Variants in IL37 observed in about 807,000 individuals in gnomAD.
IL37 encodes the protein interleukin 37.
Under a neutral mutation model 15.4 loss-of-function variants are expected in IL37, and 15 were observed. The ratio of observed to expected loss-of-function variants is 0.98; its 90% confidence interval spans 0.65 to 1.50. IL37 has a LOEUF of 1.50. Among genes scored for constraint, IL37 ranks in the 40% most tolerant of loss-of-function variants. The pLI is 0.00. For synonymous variants in IL37, 98 were observed against 97.4 expected, an observed-to-expected ratio of 1.01 and a Z score of -0.03; for missense variants, 269 against 261.7, an observed-to-expected ratio of 1.03 and a Z score of -0.19.
chr2:112,918,313 G>GTC (rs113652399), intron 5 of IL37, among the ~76,000 whole-genome samples: 101,435 of 148,158 alleles, frequency 0.68, 35,536 homozygotes, highest in Middle Eastern at 0.87. Context: ...TGACTCTTAC[G>GTC]TCTCTCTCTC....
chr2:112,915,167 G>A, intron 3 of IL37: 2 of 1,608,216 alleles, frequency 1.2e-6, no homozygotes, highest in Non-Finnish European at 8.5e-7. Flanking sequence ...TAGTGAACTA[G>A]TCTGCATGTG....
chr2:112,913,909 G>A (rs994486245), intron 3 of IL37, 55 bp downstream of exon 3: 2 of 1,406,464 alleles, frequency 1.4e-6, no homozygotes, highest in Non-Finnish European at 2.0e-6. Context: ...GTGGGGATGG[G>A]GGATGGAGCC....
Position 112,917,770 on chromosome 2 carries a change from A to T in IL37, c.401A>T (p.Gln134Leu). 1 of 1,614,176 alleles carries T rather than the reference A, an allele frequency of 6.2e-7. No homozygotes were observed. The highest frequency in any genetic ancestry group is 8.5e-7 in the Non-Finnish European group (1 of 1,180,032). ...AAAGGACAAAGTCATCCATCCCTTC[A>T]GCTGAAGGTGAGAGTTCTAGCTCAG... ...KDKGQSHPSLQLKKEKLMKLA... is the reference protein window; with the variant it reads ...KDKGQSHPSLLLKKEKLMKLA... Residue 134 changes from glutamine to leucine, a missense_variant, in exon 5 of 6, where the codon CAG (glutamine) becomes CTG (leucine). Coordinates refer to ENST00000263326, the MANE Select transcript of IL37 (RefSeq NM_014439.4).
In IL37 at chr2:112,913,061, T is replaced by C. The variant is rs752770124; in HGVS notation, c.49T>C (p.Trp17Arg). 2 of 1,571,944 alleles carry C rather than the reference T, an allele frequency of 1.3e-6. No individual in the cohort carries two copies. The highest frequency in any genetic ancestry group is 1.7e-6 in the Non-Finnish European group (2 of 1,164,612). ...NSGVKMGSEDWEKDEPQCCLE... is the reference protein window; with the variant it reads ...NSGVKMGSEDREKDEPQCCLE... ...AGGAGTGAAAATGGGCTCTGAGGACTGGGAAAAAGATGAACCCCAGTGCTG... is the reference window on the plus strand; with the variant it reads ...AGGAGTGAAAATGGGCTCTGAGGACCGGGAAAAAGATGAACCCCAGTGCTG... The change falls in exon 2 of 6, where the codon TGG becomes CGG. Residue 17 changes from tryptophan (W) to arginine (R), a missense_variant. Coordinates refer to ENST00000263326, the MANE Select transcript of IL37 (RefSeq NM_014439.4).
At chr2:112,918,516 C>A in intron 5 of IL37, 45 bp from the exon 6 acceptor site, 2 of 1,565,910 alleles carry the variant, frequency 1.3e-6, no homozygotes, top group Non-Finnish European at 1.7e-6. Context: ...TGTTTTCCTC[C>A]CTCTCAAAGC....
chr2:112,915,347 C>A, intron 3 of IL37: 1 of 1,150,222 alleles, frequency 8.7e-7, no homozygotes, highest in South Asian at 1.4e-5. Context: ...ATGAGAATCT[C>A]AGGAGTGTGA....
chr2:112,911,864 T>G lies in IL37; in HGVS notation c.-51+616T>G, dbSNP rs550998260. 5.3e-5 allele frequency among the ~76,000 whole-genome samples: 8 copies of G among 152,298 alleles called. 1 individual carries two copies. The highest frequency in any genetic ancestry group is 5.2e-4 in the Admixed American group (8 of 15,304). On this transcript the variant is annotated intron_variant, in intron 1 of 5. Transcript: ENST00000263326. ...AAGCGCCTCCAATTTTTTGTGTCCTTTGATTTACCCCAACATGACAAAGGC... is the reference window on the plus strand; with the variant it reads ...AAGCGCCTCCAATTTTTTGTGTCCTGTGATTTACCCCAACATGACAAAGGC...
chr2:112,915,278 G>T, intron 3 of IL37: 1 of 1,606,508 alleles, frequency 6.2e-7, no homozygotes. Flanking sequence ...TAAAATGATG[G>T]TGCTAGAAAA....
Position 112,918,871 on chromosome 2 carries a change from C to T in IL37, c.*62C>T. On this transcript the variant is annotated 3_prime_UTR_variant, in exon 6 of 6. Coordinates refer to ENST00000263326, the MANE Select transcript of IL37 (RefSeq NM_014439.4). ...AACTAATTGTATAAAAACACCAAAC[C>T]TGCTCACTAAACTTTCTGTCATTGG... 1 of 1,523,300 alleles carries T rather than the reference C, an allele frequency of 6.6e-7. No individual in the cohort carries two copies. 94.4% of individuals were successfully genotyped at this position (1,523,300 alleles called of 1,614,324 possible).
At chr2:112,914,377 G>A (rs554727441) in intron 3 of IL37, among the ~76,000 whole-genome samples, 1 of 152,308 alleles carries the variant, frequency 6.6e-6, no homozygotes, top group South Asian at 2.1e-4. Flanking sequence ...GGTGACACAG[G>A]TAATAAGTGA....
chr2:112,913,934 C>G, intron 3 of IL37, 80 bp downstream of exon 3: 1 of 1,170,254 alleles, frequency 8.5e-7, no homozygotes, highest in Non-Finnish European at 1.3e-6. Context: ...GGTCCTCTTA[C>G]AGGGTGGGAG....
intron 1 of IL37, among the ~76,000 whole-genome samples, chr2:112,911,765 TTA>T (rs1683183529): frequency 6.6e-6 from 1 of 152,172 alleles, no homozygotes; most frequent in Non-Finnish European, 1.5e-5. Context: ...CACAGTATCT[TTA>T]TATGTCTTTG....
At chr2:112,915,091 C>T (rs1192510339) in intron 3 of IL37, 1 of 1,050,042 alleles carries the variant, frequency 9.5e-7, no homozygotes, top group African/African-American at 1.6e-5. Context: ...ACCACTCACA[C>T]CTTCAGAGTG....
chr2:112,915,098 A>T, intron 3 of IL37: 2 of 1,135,998 alleles, frequency 1.8e-6, no homozygotes, highest in Non-Finnish European at 2.6e-6. Flanking sequence ...ACACCTTCAG[A>T]GTGGCCTTGA....
chr2:112,914,786 G>A (rs904671193), intron 3 of IL37, among the ~76,000 whole-genome samples: 6 of 152,164 alleles, frequency 3.9e-5, no homozygotes, highest in Non-Finnish European at 7.4e-5. Flanking sequence ...CTTCAAATCT[G>A]GCGGAAGTGG....
In IL37 at chr2:112,917,122, G is replaced by T; in HGVS notation, c.146-7G>T. On this transcript the variant is annotated splice_polypyrimidine_tract_variant and splice_region_variant and intron_variant, in intron 3 of 5. Coordinates refer to ENST00000263326, the MANE Select transcript of IL37 (RefSeq NM_014439.4). ...TGAAGTGTTGATATCTGGTGATATT[G>T]ATCTAGGTCCAAAGGTGAAGAACTT... 2 of 1,613,632 alleles carry T rather than the reference G, an allele frequency of 1.2e-6. No homozygotes were observed. The highest frequency in any genetic ancestry group is 2.2e-5 in the South Asian group (2 of 90,920).
chr2:112,917,950 G>A (rs971448371), intron 5 of IL37, among the ~76,000 whole-genome samples, 173 bp downstream of exon 5: 2 of 152,204 alleles, frequency 1.3e-5, no homozygotes, highest in Non-Finnish European at 2.9e-5. Context: ...CTGGTTCCTT[G>A]CCCCTTCTAG....
chr2:112,915,772 C>G (rs148409991), intron 3 of IL37, among the ~76,000 whole-genome samples: 1 of 152,270 alleles, frequency 6.6e-6, no homozygotes, highest in Non-Finnish European at 1.5e-5. Context: ...GGCCAGTCAT[C>G]TCTTCCATAG....
intron 3 of IL37, 78 bp from the exon 4 acceptor site, chr2:112,917,051 G>A: frequency 6.5e-7 from 1 of 1,545,424 alleles, no homozygotes; most frequent in Non-Finnish European, 8.8e-7. Context: ...TAGGGCTGGG[G>A]CCCTTGGACG....
Sources: gnomAD v4.1 joint callset for allele counts (sites outside exome capture counted in the v4.1 genomes callset) on GRCh38, gnomAD v4.1.1 for gene constraint, MANE v1.5 for transcripts, NCBI Gene and HGNC (gene_info 2026-07-23, HGNC 2026-07-21) for gene names.